Variants in ANKRD27 observed in about 807,000 individuals in gnomAD.
ANKRD27 encodes the protein ankyrin repeat domain-containing protein 27.
ANKRD27 carries 112 observed loss-of-function variants against 129.7 expected under a neutral mutation model. The ratio of observed to expected loss-of-function variants is 0.86; its 90% CI spans 0.74 to 1.01. The LOEUF (loss-of-function observed/expected upper bound fraction) is 1.01, where lower values mean the gene tolerates loss of function less well. Among genes scored for constraint, ANKRD27 ranks in the 50% least tolerant of loss-of-function variants. The pLI, the probability that ANKRD27 is intolerant of heterozygous loss-of-function variation, is 0.00. For synonymous variants in ANKRD27, 516 were observed against 511.2 expected, an observed-to-expected ratio of 1.01 and a Z score of -0.13; for missense variants, 1,258 against 1,300.5, an observed-to-expected ratio of 0.97 and a Z score of 0.50.
chr19:32,673,209 C>A, intron 1 of ANKRD27: 1 of 856,784 alleles, frequency 1.2e-6, no homozygotes, highest in Non-Finnish European at 1.4e-6. Context: ...TTTCAGGTCA[C>A]CAGGCAAGAC....
rs535574681 is a variant in ANKRD27, at chr19:32,631,643, GA to G, written c.1117-150del. 3.5e-4 allele frequency: 232 copies of G among 665,740 alleles called. 1 individual carries two copies. In the African/African-American group the frequency reaches 3.9e-3, roughly 11 times the overall value. The allele number at this position is 665,740 out of a possible 1,614,324, so 41.2% of individuals were successfully genotyped here. A position where few individuals can be genotyped will look rare whatever the true frequency, so the allele number is the denominator to read the frequency against. On this transcript the variant is annotated intron_variant, in intron 12 of 28. Coordinates refer to ENST00000306065, the MANE Select transcript of ANKRD27 (RefSeq NM_032139.3). Reference sequence around the variant, plus strand: ...ATGGGACCTGCTCACTGAGACGGAGGACGGGCTGACGTCAGGTGGGGAGAAG... The same window carrying G: ...ATGGGACCTGCTCACTGAGACGGAGGCGGGCTGACGTCAGGTGGGGAGAAG...
chr19:32,610,788 T>C (rs1393049832), intron 22 of ANKRD27, among the ~76,000 whole-genome samples: 1 of 151,752 alleles, frequency 6.6e-6, no homozygotes, highest in African/African-American at 2.4e-5. Context: ...GGAGACTCCG[T>C]CTCAAAAAAG....
intron 1 of ANKRD27, among the ~76,000 whole-genome samples, chr19:32,674,668 C>A (rs1456209416): frequency 6.6e-6 from 1 of 151,990 alleles, no homozygotes; most frequent in Non-Finnish European, 1.5e-5. Flanking sequence ...CGGCTCGGAC[C>A]CCCACCCGCC....
intron 1 of ANKRD27, among the ~76,000 whole-genome samples, chr19:32,660,898 G>A (rs144522435): frequency 2.0e-5 from 3 of 148,398 alleles, no homozygotes; most frequent in African/African-American, 7.9e-5. Flanking sequence ...TTACACATCT[G>A]TATACTAAAG....
At chr19:32,619,440 G>A in intron 19 of ANKRD27, 54 bp downstream of exon 19, 1 of 1,613,996 alleles carries the variant, frequency 6.2e-7, no homozygotes, top group East Asian at 2.2e-5. Flanking sequence ...GAGGACCAGA[G>A]AAGGCGCCCT....
chr19:32,626,592 AG>A, intron 16 of ANKRD27, 119 bp downstream of exon 16: 3 of 592,584 alleles, frequency 5.1e-6, no homozygotes, highest in Non-Finnish European at 5.3e-6. Flanking sequence ...GTGTGGAACG[AG>A]GGGGGCACAG....
chr19:32,623,636 G>A (rs1316718838), intron 17 of ANKRD27, among the ~76,000 whole-genome samples: 4 of 148,754 alleles, frequency 2.7e-5, no homozygotes, highest in South Asian at 2.3e-4. Flanking sequence ...TGCAACCTCC[G>A]CCTCCTAGTT....
chr19:32,631,733 C>T (rs565561320), intron 12 of ANKRD27, among the ~76,000 whole-genome samples: 2 of 152,306 alleles, frequency 1.3e-5, no homozygotes, highest in African/African-American at 4.8e-5. Flanking sequence ...TGGCGGCACC[C>T]TGACTGCGTG....
At chr19:32,627,691 C>A (rs1460467817) in intron 15 of ANKRD27, among the ~76,000 whole-genome samples, 1 of 152,144 alleles carries the variant, frequency 6.6e-6, no homozygotes. Context: ...AGCCACCATG[C>A]CCAGCCAAAT....
chr19:32,608,722 T>C (rs1599736142), intron 22 of ANKRD27, among the ~76,000 whole-genome samples: 1 of 152,072 alleles, frequency 6.6e-6, no homozygotes, highest in Non-Finnish European at 1.5e-5. Context: ...GAGTCCGAGG[T>C]GGGCAGATCA....
chr19:32,656,143 GA>G (rs1967532980), intron 2 of ANKRD27, among the ~76,000 whole-genome samples: 1 of 140,784 alleles, frequency 7.1e-6, no homozygotes, highest in African/African-American at 2.7e-5. Flanking sequence ...AAAAGAAAAA[GA>G]AAAGCCTGAA....
intron 26 of ANKRD27, among the ~76,000 whole-genome samples, chr19:32,600,535 C>T (rs534486602): frequency 1.3e-5 from 2 of 152,118 alleles, no homozygotes; most frequent in East Asian, 3.9e-4. Flanking sequence ...AGCAAGACTC[C>T]ATCTCAAAAA....
chr19:32,659,195 G>A (rs1207141755), intron 1 of ANKRD27, 150 bp from the exon 2 acceptor site: 2 of 547,124 alleles, frequency 3.7e-6, no homozygotes, highest in Admixed American at 6.4e-5. Context: ...CTGGAGCGCG[G>A]CTCAGCCTCG....
chr19:32,607,012 T>C (rs909170135), intron 23 of ANKRD27, among the ~76,000 whole-genome samples: 2 of 139,180 alleles, frequency 1.4e-5, no homozygotes, highest in East Asian at 4.5e-4. Context: ...ACGCCTGTGG[T>C]CCCAGCTACT....
rs780541563 is a variant in ANKRD27 at position 32,598,283 on chromosome 19, C to A, written c.3015G>T (p.Arg1005Ser). 10 of 1,614,088 alleles carry A rather than the reference C, an allele frequency of 6.2e-6. No individual in the cohort carries two copies. Among genetic ancestry groups the A allele is most frequent in the Admixed American group, 1.7e-5 (1 of 60,000 alleles). The change falls in exon 29 of 29, where the codon AGG becomes AGT. Residue 1005 changes from arginine to serine, a missense_variant. By Grantham distance (110) the Arg-to-Ser change is moderately radical. Coordinates refer to ENST00000306065, the MANE Select transcript of ANKRD27 (RefSeq NM_032139.3). ...AEKGNSDWPERPGLTQTGPGH... is the reference protein window; with the variant it reads ...AEKGNSDWPESPGLTQTGPGH... ...CAGGGCCAGTCTGTGTCAGTCCAGG[C>A]CTCTCTGGCCAGTCGCTGTTGCCTT...
At chr19:32,640,565 G>C (rs78075146) in intron 10 of ANKRD27, among the ~76,000 whole-genome samples, 180 bp from the exon 11 acceptor site, 17,763 of 152,196 alleles carry the variant, frequency 0.12, 1,572 homozygotes, top group African/African-American at 0.25. Context: ...GGTCCAGGGG[G>C]AAAAGAATGC....
chr19:32,602,628 C>T (rs1160764222), intron 25 of ANKRD27, among the ~76,000 whole-genome samples: 1 of 151,912 alleles, frequency 6.6e-6, no homozygotes, highest in Non-Finnish European at 1.5e-5. Flanking sequence ...CGCGATGGCT[C>T]ACGCCTGTAA....
At chr19:32,625,058 C>A (rs1056212454) in intron 17 of ANKRD27, among the ~76,000 whole-genome samples, 4 of 152,096 alleles carry the variant, frequency 2.6e-5, no homozygotes, top group Admixed American at 6.5e-5. Flanking sequence ...GAGATCCAGA[C>A]CAGCCTGGCC....
At chr19:32,661,220 TACACACACACAC>T (rs71176143) in intron 1 of ANKRD27, among the ~76,000 whole-genome samples, 4 of 43,466 alleles carry the variant, frequency 9.2e-5, no homozygotes, top group East Asian at 8.1e-4. Context: ...AAAAAAATTA[TACACACACACAC>T]ACACACACAC....
Sources: gnomAD v4.1 joint callset for allele counts (sites outside exome capture counted in the v4.1 genomes callset) on GRCh38, gnomAD v4.1.1 for gene constraint, MANE v1.5 for transcripts, NCBI Gene and HGNC (gene_info 2026-07-23, HGNC 2026-07-21) for gene names.